The following NARS2 variants were observed in gnomAD, a reference collection of about 807,000 sequenced individuals.
NARS2 encodes asparaginyl-tRNA synthetase.
Under a neutral mutation model 62.9 loss-of-function variants are expected in NARS2, and 60 were observed. That is an observed-to-expected ratio of 0.95 (90% CI 0.77 to 1.18). The LOEUF (loss-of-function observed/expected upper bound fraction) is 1.18. Among genes scored for constraint, NARS2 ranks in the 50% most tolerant of loss-of-function variants. NARS2 has a pLI of 0.00. For synonymous variants in NARS2, 196 were observed against 200.0 expected (o/e 0.98, Z 0.17); for missense variants, 619 against 576.4 (o/e 1.07, Z -0.76).
chr11:78,528,527 C>T (rs1162624735), intron 6 of NARS2, among the ~76,000 whole-genome samples: 1 of 151,988 alleles, frequency 6.6e-6, no homozygotes, highest in Non-Finnish European at 1.5e-5. Flanking sequence ...AGACTAATAC[C>T]CGGTTCAGGT....
intron 11 of NARS2, among the ~76,000 whole-genome samples, chr11:78,458,574 T>C (rs941938909): frequency 6.6e-6 from 1 of 152,182 alleles, no homozygotes; most frequent in Non-Finnish European, 1.5e-5. Flanking sequence ...ACTCACAAAA[T>C]TAAAGATGCT....
chr11:78,483,470 G>C (rs932777236), intron 7 of NARS2, among the ~76,000 whole-genome samples: 2 of 152,204 alleles, frequency 1.3e-5, no homozygotes, highest in African/African-American at 4.8e-5. Context: ...CAGATGACAT[G>C]ATTGTATATT....
intron 11 of NARS2, among the ~76,000 whole-genome samples, chr11:78,460,767 A>C (rs969989336): frequency 1.3e-5 from 2 of 152,174 alleles, no homozygotes; most frequent in African/African-American, 4.8e-5. Context: ...GAGATATGTA[A>C]ATGGCAGTCA....
At chr11:78,436,912 T>G in intron 13 of NARS2, 98 bp from the exon 14 acceptor site, 1 of 1,259,640 alleles carries the variant, frequency 7.9e-7, no homozygotes, top group Non-Finnish European at 1.1e-6. Flanking sequence ...CAATCATTTG[T>G]TATTGTTTAC....
intron 5 of NARS2, among the ~76,000 whole-genome samples, chr11:78,534,496 T>TG (rs1861597661): frequency 1.3e-5 from 2 of 152,146 alleles, no homozygotes; most frequent in South Asian, 4.1e-4. Flanking sequence ...GTAAGAAACA[T>TG]GGGGAATGTT....
chr11:78,554,142 C>G (rs1190035695), intron 5 of NARS2, among the ~76,000 whole-genome samples: 3 of 152,204 alleles, frequency 2.0e-5, no homozygotes, highest in South Asian at 4.2e-4. Context: ...GGGAGTGGAG[C>G]CTTGTAGTAT....
At chr11:78,486,345 G>A (rs1451817301) in intron 7 of NARS2, among the ~76,000 whole-genome samples, 2 of 152,028 alleles carry the variant, frequency 1.3e-5, no homozygotes, top group Non-Finnish European at 2.9e-5. Context: ...AAGAACAGGA[G>A]AAGGTGACCC....
At chr11:78,531,028 G>A (rs1447688017) in intron 5 of NARS2, among the ~76,000 whole-genome samples, 1 of 151,938 alleles carries the variant, frequency 6.6e-6, no homozygotes, top group African/African-American at 2.4e-5. Context: ...ATATTAAAGA[G>A]GGTATATAAA....
intron 6 of NARS2, among the ~76,000 whole-genome samples, chr11:78,525,769 A>G (rs745827960): frequency 6.6e-6 from 1 of 152,144 alleles, no homozygotes; most frequent in South Asian, 2.1e-4. Flanking sequence ...TATTTTCAGT[A>G]AAGAAACTTG....
At chr11:78,463,197 T>TA (rs984593542) in intron 11 of NARS2, among the ~76,000 whole-genome samples, 1 of 152,070 alleles carries the variant, frequency 6.6e-6, no homozygotes, top group African/African-American at 2.4e-5. Context: ...CTTGAGTAGA[T>TA]AGACTACAGG....
intron 5 of NARS2, among the ~76,000 whole-genome samples, chr11:78,538,497 G>C (rs1015599868): frequency 6.6e-6 from 1 of 152,104 alleles, no homozygotes; most frequent in African/African-American, 2.4e-5. Flanking sequence ...TGGGTACTGG[G>C]GTATGGGAAG....
In NARS2 at chr11:78,436,369, G is replaced by T; in HGVS notation, c.*301C>A. 1 of 277,968 alleles carries T rather than the reference G, an allele frequency of 3.6e-6. No homozygotes were observed. The allele number at this position is 277,968 out of a possible 1,614,324, so 17.2% of individuals were successfully genotyped here. ...AACGTAAAATACATTATCTCATTCT[G>T]TTTTAGAGTTTAAAAGAAACTTTGA... On this transcript the variant is annotated 3_prime_UTR_variant, in exon 14 of 14. Coordinates refer to ENST00000281038, the MANE Select transcript of NARS2 (RefSeq NM_024678.6).
At chr11:78,564,156 T>G (rs1416829214) in intron 4 of NARS2, among the ~76,000 whole-genome samples, 1 of 151,698 alleles carries the variant, frequency 6.6e-6, no homozygotes, top group Non-Finnish European at 1.5e-5. Flanking sequence ...TGCCTTGGCC[T>G]CCCAAAGTGC....
chr11:78,526,755 A>G (rs1352132266), intron 6 of NARS2, among the ~76,000 whole-genome samples: 1 of 152,160 alleles, frequency 6.6e-6, no homozygotes, highest in East Asian at 1.9e-4. Context: ...TATAATAGAG[A>G]AACAAACATT....
chr11:78,559,301 C>CAA lies in NARS2; in HGVS notation c.594+236_594+237dup, dbSNP rs10627726. On this transcript the variant is annotated intron_variant, in intron 5 of 13. Coordinates refer to ENST00000281038, the MANE Select transcript of NARS2 (RefSeq NM_024678.6). ...CTGGCCACAGAGTGAGACTCCATCTCAAAAAAAAAAAAAAAAAAAAAAAAA... is the reference window on the plus strand; with the variant it reads ...CTGGCCACAGAGTGAGACTCCATCTCAAAAAAAAAAAAAAAAAAAAAAAAAAA... 0.05 allele frequency among the ~76,000 whole-genome samples: 2,940 copies of CAA among 58,390 alleles called. 744 individuals are homozygous for CAA. The highest frequency in any genetic ancestry group is 0.087 in the Middle Eastern group (4 of 46). 38.3% of individuals were successfully genotyped at this position (58,390 alleles called of 152,430 possible).
At chr11:78,544,243 A>T (rs1319388157) in intron 5 of NARS2, among the ~76,000 whole-genome samples, 2 of 151,888 alleles carry the variant, frequency 1.3e-5, no homozygotes, top group Non-Finnish European at 2.9e-5. Context: ...CTTTGCTTAT[A>T]ACTCTCCAAA....
At chr11:78,442,288 T>C (rs921238392) in intron 12 of NARS2, among the ~76,000 whole-genome samples, 2 of 152,192 alleles carry the variant, frequency 1.3e-5, no homozygotes, top group Non-Finnish European at 2.9e-5. Flanking sequence ...TCCACAACTT[T>C]CTCAGGACTT....
intron 11 of NARS2, among the ~76,000 whole-genome samples, chr11:78,452,013 C>A (rs538298359): frequency 6.6e-6 from 1 of 152,210 alleles, no homozygotes; most frequent in Admixed American, 6.5e-5. Flanking sequence ...AGCTTTTGAA[C>A]TTCCTGTTAC....
intron 9 of NARS2, among the ~76,000 whole-genome samples, chr11:78,471,855 G>A (rs1858893684): frequency 6.6e-6 from 1 of 151,998 alleles, no homozygotes. Flanking sequence ...CCCTACAAAG[G>A]ACATGAACTC....
Sources: gnomAD v4.1 joint callset for allele counts (sites outside exome capture counted in the v4.1 genomes callset) on GRCh38, gnomAD v4.1.1 for gene constraint, MANE v1.5 for transcripts, NCBI Gene and HGNC (gene_info 2026-07-23, HGNC 2026-07-21) for gene names.